The following TEX11 variants were observed in gnomAD, a reference collection of about 807,000 sequenced individuals.
The protein encoded by TEX11 is testis-expressed protein 11.
A neutral mutation model predicts 84.4 loss-of-function variants in TEX11; 7 were observed. That is an observed-to-expected ratio of 0.08 (90% CI 0.05 to 0.16). The LOEUF is 0.16. Among genes scored for constraint, TEX11 ranks in the 10% least tolerant of loss-of-function variants. The pLI is 1.00. For synonymous variants in TEX11, 264 were observed against 222.8 expected (o/e 1.18, Z -1.64); for missense variants, 551 against 660.5 (o/e 0.83, Z 1.82).
chrX:70,703,513 A>C (rs1163085017), intron 13 of TEX11, among the ~76,000 whole-genome samples: 2 of 110,574 alleles, frequency 1.8e-5, no homozygotes, highest in African/African-American at 6.6e-5. Flanking sequence ...TCTCAATTAC[A>C]CCTTCTTTTT....
chrX:70,881,634 A>G (rs1355378364), intron 2 of TEX11, among the ~76,000 whole-genome samples: 1 of 111,348 alleles, frequency 9.0e-6, no homozygotes, highest in Admixed American at 9.7e-5. Flanking sequence ...GAGGTGATGG[A>G]TATCCTATTT....
chrX:70,779,182 C>T (rs1331725589), intron 9 of TEX11, among the ~76,000 whole-genome samples: 3 of 110,378 alleles, frequency 2.7e-5, no homozygotes, highest in South Asian at 7.6e-4. Flanking sequence ...TTTGGGAGGC[C>T]GAGGTGGGTG....
chrX:70,712,732 G>A (rs1412036308), intron 13 of TEX11, among the ~76,000 whole-genome samples: 1 of 110,856 alleles, frequency 9.0e-6, no homozygotes, highest in Non-Finnish European at 1.9e-5. Context: ...CATGTCATCT[G>A]CAAACAGGGA....
intron 22 of TEX11, 103 bp downstream of exon 22, chrX:70,608,988 C>G: frequency 1.6e-6 from 1 of 615,116 alleles, no homozygotes; most frequent in Non-Finnish European, 2.5e-6. Context: ...AGCAAGTTAT[C>G]TCTGTACCCA....
chrX:70,806,565 T>C (rs780377588), intron 9 of TEX11, 140 bp downstream of exon 9: 1 of 438,812 alleles, frequency 2.3e-6, no homozygotes, highest in Non-Finnish European at 4.0e-6. Context: ...AAACAATACA[T>C]GTTAAAAGAG....
intron 13 of TEX11, among the ~76,000 whole-genome samples, chrX:70,711,640 GT>G (rs1373898944): frequency 9.0e-6 from 1 of 111,642 alleles, no homozygotes; most frequent in African/African-American, 3.3e-5. Flanking sequence ...GGGGTTCTTT[GT>G]TTTTTTCTTG....
intron 9 of TEX11, among the ~76,000 whole-genome samples, chrX:70,775,299 A>G (rs2090994464): frequency 9.0e-6 from 1 of 111,633 alleles, no homozygotes; most frequent in Non-Finnish European, 1.9e-5. Flanking sequence ...ATATGGCTAC[A>G]ACCTCAAAAA....
At chrX:70,584,611 A>T (rs1169227009) in intron 25 of TEX11, among the ~76,000 whole-genome samples, 1 of 111,495 alleles carries the variant, frequency 9.0e-6, no homozygotes, top group African/African-American at 3.3e-5. Flanking sequence ...AAAATTACAA[A>T]CCAATATTCT....
chrX:70,827,428 G>C (rs182519761), intron 8 of TEX11, among the ~76,000 whole-genome samples: 1 of 111,697 alleles, frequency 9.0e-6, no homozygotes, highest in East Asian at 2.8e-4. Context: ...CTAGGTACCA[G>C]CTTGGCTCTT....
At chrX:70,725,551 A>C (rs1043293258) in intron 11 of TEX11, among the ~76,000 whole-genome samples, 2 of 112,236 alleles carry the variant, frequency 1.8e-5, no homozygotes, top group Non-Finnish European at 3.8e-5. Flanking sequence ...TATATGGAAA[A>C]GAACATGTAA....
chrX:70,653,451 T>C (rs2089830636), intron 16 of TEX11, among the ~76,000 whole-genome samples: 1 of 112,385 alleles, frequency 8.9e-6, no homozygotes, highest in South Asian at 3.7e-4. Context: ...CTTAACATCT[T>C]ATGTCATTAG....
At chrX:70,747,869 G>A (rs1334374399) in intron 9 of TEX11, among the ~76,000 whole-genome samples, 2 of 110,982 alleles carry the variant, frequency 1.8e-5, no homozygotes, top group Non-Finnish European at 3.8e-5. Flanking sequence ...CCACTAACTC[G>A]TTATTTACAT....
At chrX:70,647,540 C>T (rs1022167064) in intron 17 of TEX11, among the ~76,000 whole-genome samples, 1 of 108,829 alleles carries the variant, frequency 9.2e-6, no homozygotes, top group Non-Finnish European at 1.9e-5. Flanking sequence ...AGTGAGACTC[C>T]ATCTATACAA....
intron 11 of TEX11, among the ~76,000 whole-genome samples, chrX:70,739,578 AC>A (rs2090720632): frequency 9.2e-6 from 1 of 109,237 alleles, no homozygotes; most frequent in Admixed American, 9.8e-5. Context: ...CACCTGGCTA[AC>A]TTTTGTATTT....
chrX:70,564,576 C>T (rs2147959206), intron 25 of TEX11, among the ~76,000 whole-genome samples: 1 of 90,877 alleles, frequency 1.1e-5, no homozygotes, highest in East Asian at 3.7e-4. Context: ...CACAACAGTC[C>T]CCAGAGTGTG....
At chrX:70,779,801 A>C (rs1186463847) in intron 9 of TEX11, among the ~76,000 whole-genome samples, 1 of 111,683 alleles carries the variant, frequency 9.0e-6, no homozygotes, top group Non-Finnish European at 1.9e-5. Context: ...GAAATGGATA[A>C]ATTCCTAGAT....
intron 28 of TEX11, among the ~76,000 whole-genome samples, chrX:70,532,507 G>T: frequency 9.2e-6 from 1 of 109,080 alleles, no homozygotes; most frequent in South Asian, 4.0e-4. Context: ...AGGCCAAGGC[G>T]GGCAGATCAC....
chrX:70,875,906 C>G (rs1459581745), intron 3 of TEX11, among the ~76,000 whole-genome samples: 1 of 111,458 alleles, frequency 9.0e-6, no homozygotes, highest in Non-Finnish European at 1.9e-5. Context: ...CAAATCTTAC[C>G]CCAAAGAAGA....
chrX:70,518,488 CAGTT>C, the TEX11 span, among the ~76,000 whole-genome samples: 1 of 112,046 alleles, frequency 8.9e-6, no homozygotes, highest in African/African-American at 3.2e-5. Flanking sequence ...GTCTGAGAGA[CAGTT>C]TGTTATAATT....
Sources: allele counts gnomAD v4.1 joint callset (sites outside exome capture counted in the v4.1 genomes callset), GRCh38; gene constraint gnomAD v4.1.1; transcripts MANE v1.5; gene names NCBI Gene and HGNC (gene_info 2026-07-23, HGNC 2026-07-21).